KATNAL2: variants seen among roughly 807,000 people sequenced by gnomAD.
The protein encoded by KATNAL2 is katanin catalytic subunit A1 like 2.
Under a neutral mutation model 76.3 loss-of-function variants are expected in KATNAL2, and 52 were observed. The observed-to-expected ratio is 0.68, with a 90% CI of 0.55 to 0.86. The LOEUF is 0.86. Among genes scored for constraint, KATNAL2 ranks in the 40% least tolerant of loss-of-function variants. The probability of loss-of-function intolerance (pLI) is 0.00; values close to 1 mark genes in which losing one functional copy is unlikely to be tolerated. For synonymous variants in KATNAL2, 243 were observed against 244.2 expected, an observed-to-expected ratio of 1.00 and a Z score of 0.05; for missense variants, 660 against 668.9, an observed-to-expected ratio of 0.99 and a Z score of 0.15.
rs1169950383 is a variant in KATNAL2 at position 47,101,636 on chromosome 18, T to A, written c.*631T>A. 6.5e-6 allele frequency: 1 copy of A among 153,362 alleles called. No individual in the cohort carries two copies. The highest frequency in any genetic ancestry group is 1.5e-5 in the Non-Finnish European group (1 of 68,826). The allele number at this position is 153,362 out of a possible 1,614,324, so 9.5% of individuals were successfully genotyped here. On this transcript the variant is annotated 3_prime_UTR_variant, in exon 18 of 18. Transcript: ENST00000683218. ...AATAGCCAGGGTGACTAGCACACCA[T>A]CACCATCAGCTGCCAGTCTGATTGT... is the stretch of plus-strand genomic sequence containing the variant.
intron 3 of KATNAL2, among the ~76,000 whole-genome samples, chr18:47,045,099 A>G (rs1468189982): frequency 2.0e-5 from 3 of 151,448 alleles, no homozygotes; most frequent in African/African-American, 4.8e-5. Flanking sequence ...ACCCTGTCTC[A>G]AAAAAAAATT....
rs149112628 is a variant in KATNAL2, at chr18:47,055,226, G to C, written c.332+788G>C. Among the ~76,000 whole-genome samples, 8 of 152,318 alleles carry C rather than the reference G, an allele frequency of 5.3e-5. No homozygotes were observed. The East Asian group carries it at 1.5e-3, about 29-fold the overall frequency. ...TGCTGCCGGCTGCCAGTGAGGGCCA[G>C]CTCTGGGGCATCGCAACCTGTGGGC... is the stretch of plus-strand genomic sequence containing the variant. On this transcript the variant is annotated intron_variant, in intron 6 of 17. Transcript: ENST00000683218.
chr18:46,946,527 A>C lies in KATNAL2; in HGVS notation c.-39A>C. ...TCGCAAAGACCTGAACAACGGCTGAAATCAAGGACAAATATTATGGTACAT... is the reference window on the plus strand; with the variant it reads ...TCGCAAAGACCTGAACAACGGCTGACATCAAGGACAAATATTATGGTACAT... On this transcript the variant is annotated 5_prime_UTR_variant, in exon 2 of 18. Transcript: ENST00000683218. 1.0e-6 allele frequency: 1 copy of C among 985,484 alleles called. No individual in the cohort carries two copies. Among genetic ancestry groups the C allele is most frequent in the Non-Finnish European group, 1.2e-6 (1 of 829,930 alleles). The allele number at this position is 985,484 out of a possible 1,614,324, so 61.0% of individuals were successfully genotyped here. A position where few individuals can be genotyped will look rare whatever the true frequency, so the allele number is the denominator to read the frequency against.
At chr18:47,086,519 C>G (rs1362561514) in intron 15 of KATNAL2, among the ~76,000 whole-genome samples, 1 of 152,106 alleles carries the variant, frequency 6.6e-6, no homozygotes, top group Non-Finnish European at 1.5e-5. Context: ...GTTTCACCAT[C>G]TTGGCCAGGC....
At chr18:46,949,648 C>T (rs991546236) in intron 3 of KATNAL2, among the ~76,000 whole-genome samples, 2 of 152,210 alleles carry the variant, frequency 1.3e-5, no homozygotes, top group South Asian at 4.1e-4. Context: ...TCCGATTGCT[C>T]AAATCGTAAT....
chr18:47,087,659 C>A (rs2062831163), intron 15 of KATNAL2, among the ~76,000 whole-genome samples: 1 of 151,956 alleles, frequency 6.6e-6, no homozygotes, highest in Admixed American at 6.6e-5. Context: ...CAAAAGTTTA[C>A]CCCTGAACCT....
chr18:47,043,181 T>C (rs1481907146), intron 3 of KATNAL2, among the ~76,000 whole-genome samples: 11 of 135,362 alleles, frequency 8.1e-5, no homozygotes, highest in Non-Finnish European at 1.7e-4. Context: ...GAGCAGAGAT[T>C]GCGCCACTAC....
intron 3 of KATNAL2, among the ~76,000 whole-genome samples, chr18:46,948,888 TTGTG>T (rs71264810): frequency 4.7e-4 from 68 of 145,886 alleles, no homozygotes; most frequent in South Asian, 8.9e-4. Context: ...AGTATCTGCA[TTGTG>T]TGTGTGTGTG....
rs1351735955 is a variant in KATNAL2, at chr18:47,033,376, C to T, written c.52-13081C>T. On this transcript the variant is annotated intron_variant, in intron 3 of 17. Transcript: ENST00000683218. ...CTCTCTGCCGTTGGGGTTGTTTCCA[C>T]GTGCAGATCGGATATTCGTTGTCAT... 1.9e-6 allele frequency: 3 copies of T among 1,614,076 alleles called. No homozygotes were observed. Among genetic ancestry groups the T allele is most frequent in the African/African-American group, 1.3e-5 (1 of 74,946 alleles).
At chr18:46,922,599 G>T (rs2058601707) in intron 1 of KATNAL2, among the ~76,000 whole-genome samples, 1 of 151,934 alleles carries the variant, frequency 6.6e-6, no homozygotes, top group Non-Finnish European at 1.5e-5. Flanking sequence ...TTCGAGACTA[G>T]CCTGACCAAC....
chr18:47,047,984 C>T lies in KATNAL2; in HGVS notation c.122+1457C>T, dbSNP rs569075104. 1.7e-3 allele frequency among the ~76,000 whole-genome samples: 260 copies of T among 152,236 alleles called. 1 individual carries two copies. The highest frequency in any genetic ancestry group is 5.9e-3 in the African/African-American group (244 of 41,546). On this transcript the variant is annotated intron_variant, in intron 4 of 17. Transcript: ENST00000683218. ...AACCTCCCAGTCACTGAGATTAGGGCTTTAAAACTTTTGAGTTAGAGCAGT... is the reference window on the plus strand; with the variant it reads ...AACCTCCCAGTCACTGAGATTAGGGTTTTAAAACTTTTGAGTTAGAGCAGT...
In KATNAL2 at chr18:47,052,880, G is replaced by A; in HGVS notation, c.123G>A (p.Gly41=). 1 of 1,597,594 alleles carries A rather than the reference G, an allele frequency of 6.3e-7. No individual in the cohort carries two copies. Among genetic ancestry groups the A allele is most frequent in the Non-Finnish European group, 8.5e-7 (1 of 1,174,432 alleles). ...ILISHYLTQE[G]YIDTANALEQ... is the part of the protein sequence containing the mutation. ...TCTTTTTATTCTGTGAAACTGCCAG[G>A]TATATCGATACAGCAAATGCTTTGG... is the stretch of plus-strand genomic sequence containing the variant. Residue 41 remains glycine (G), a splice_region_variant and synonymous_variant, in exon 5 of 18, where the codon GGG becomes GGA. Transcript: ENST00000683218.
chr18:47,081,157 CT>C (rs2062499776), intron 15 of KATNAL2, among the ~76,000 whole-genome samples: 2 of 151,656 alleles, frequency 1.3e-5, no homozygotes, highest in Admixed American at 1.3e-4. Flanking sequence ...CCTTTCTGAA[CT>C]TTTTTATTCC....
intron 11 of KATNAL2, 150 bp downstream of exon 11, chr18:47,067,269 G>C: frequency 2.3e-6 from 1 of 428,482 alleles, no homozygotes; most frequent in Non-Finnish European, 4.3e-6. Context: ...CTCAACCCTG[G>C]AGCACCAAAG....
At chr18:47,045,830 C>T (rs1397608525) in intron 3 of KATNAL2, among the ~76,000 whole-genome samples, 1 of 152,146 alleles carries the variant, frequency 6.6e-6, no homozygotes, top group African/African-American at 2.4e-5. Flanking sequence ...ATTTGAGATA[C>T]CAGTTTCCTA....
Position 47,063,076 on chromosome 18 carries a change from T to A in KATNAL2, c.648+6T>A. 1 of 1,610,076 alleles carries A rather than the reference T, an allele frequency of 6.2e-7. No homozygotes were observed. Among genetic ancestry groups the A allele is most frequent in the Non-Finnish European group, 8.5e-7 (1 of 1,176,588 alleles). ...ACCATAATCCAGACCCCTCAGTAAG[T>A]GGCGAAGATGTGACATTCATCTTTC... On this transcript the variant is annotated splice_donor_region_variant and intron_variant, in intron 9 of 17. Transcript: ENST00000683218.
intron 1 of KATNAL2, among the ~76,000 whole-genome samples, chr18:46,935,795 A>C (rs2059072401): frequency 6.6e-6 from 1 of 152,102 alleles, no homozygotes; most frequent in African/African-American, 2.4e-5. Context: ...GTGTGCCTGT[A>C]GTCCCAGCTA....
rs143160755 is a variant in KATNAL2 at position 47,088,088 on chromosome 18, T to C, written c.1211+10627T>C. The stretch of plus-strand genomic sequence containing the variant: ...TTCTTCGTTCAGTGTTTAGCTGGAA[T>C]AGGGCAGGTATTATTAAAAGGTTTT... On this transcript the variant is annotated intron_variant, in intron 15 of 17. Transcript: ENST00000683218. 8.5e-5 allele frequency among the ~76,000 whole-genome samples: 13 copies of C among 152,270 alleles called. No homozygotes were observed. In the East Asian group the frequency reaches 2.5e-3, roughly 29 times the overall value.
chr18:46,931,136 T>TAATAATAATA (rs1179170299), intron 1 of KATNAL2, among the ~76,000 whole-genome samples: 36 of 132,760 alleles, frequency 2.7e-4, no homozygotes, highest in African/African-American at 8.6e-4. Flanking sequence ...ATAATAATAA[T>TAATAATAATA]AATAAATAAA....
Sources: gnomAD v4.1 joint callset for allele counts (sites outside exome capture counted in the v4.1 genomes callset) on GRCh38, gnomAD v4.1.1 for gene constraint, MANE v1.5 for transcripts, NCBI Gene and HGNC (gene_info 2026-07-23, HGNC 2026-07-21) for gene names.